LEPR: variants seen among roughly 807,000 people sequenced by gnomAD.
LEPR encodes leptin receptor.
LEPR carries 56 observed loss-of-function variants against 114.7 expected under a neutral mutation model. The ratio of observed to expected loss-of-function variants is 0.49; its 90% CI spans 0.39 to 0.61. The LOEUF (loss-of-function observed/expected upper bound fraction) is 0.61, where lower values mean the gene tolerates loss of function less well. Ranked by LOEUF, LEPR falls within the 20% of genes least tolerant of loss-of-function variation. The pLI is 0.00. For synonymous variants in LEPR, 443 were observed against 461.4 expected (o/e 0.96, Z 0.51); for missense variants, 1,202 against 1,352.9 (o/e 0.89, Z 1.75).
intron 2 of LEPR, among the ~76,000 whole-genome samples, chr1:65,450,241 AT>A (rs141012084): frequency 9.3e-5 from 14 of 150,208 alleles, no homozygotes; most frequent in East Asian, 3.9e-4. Flanking sequence ...TAGTCCATAG[AT>A]TTTTTTTTTG....
At chr1:65,437,758 G>T (rs923799189) in intron 2 of LEPR, among the ~76,000 whole-genome samples, 5 of 152,062 alleles carry the variant, frequency 3.3e-5, no homozygotes, top group African/African-American at 1.2e-4. Context: ...GTAGTATTTG[G>T]GTCATTGTGG....
At chr1:65,573,943 A>C (rs1449054932) in intron 5 of LEPR, among the ~76,000 whole-genome samples, 1 of 152,228 alleles carries the variant, frequency 6.6e-6, no homozygotes, top group African/African-American at 2.4e-5. Context: ...AAAATTTAAA[A>C]AGAAACTTAA....
intron 2 of LEPR, among the ~76,000 whole-genome samples, chr1:65,553,850 C>G (rs1652611581): frequency 6.6e-6 from 1 of 152,126 alleles, no homozygotes; most frequent in Non-Finnish European, 1.5e-5. Flanking sequence ...ATTTATCTAA[C>G]TTTGGTCTTT....
chr1:65,512,010 A>G (rs1030565292), intron 2 of LEPR, among the ~76,000 whole-genome samples: 9 of 152,210 alleles, frequency 5.9e-5, no homozygotes, highest in Non-Finnish European at 1.3e-4. Flanking sequence ...GGGACGCCTC[A>G]GGAAGCTTCC....
intron 2 of LEPR, among the ~76,000 whole-genome samples, chr1:65,459,497 C>T (rs1332462985): frequency 1.3e-5 from 2 of 152,142 alleles, no homozygotes; most frequent in African/African-American, 4.8e-5. Context: ...CAGCTATGTG[C>T]AGCAAGAACA....
intron 2 of LEPR, chr1:65,436,117 A>G (rs1646559808): frequency 1.0e-6 from 1 of 968,178 alleles, no homozygotes; most frequent in South Asian, 4.8e-5. Context: ...TTTTGTCTGT[A>G]TAATCTTAAT....
At chr1:65,596,757 A>T (rs1354147168) in intron 7 of LEPR, among the ~76,000 whole-genome samples, 164 bp downstream of exon 7, 1 of 152,142 alleles carries the variant, frequency 6.6e-6, no homozygotes, top group Non-Finnish European at 1.5e-5. Context: ...AGATAGATAT[A>T]CGTATGTATA....
Position 65,606,199 on chromosome 1 carries a change from T to G in LEPR, c.1603+962T>G, listed in dbSNP as rs946583503. Among the ~76,000 whole-genome samples, 3 of 152,298 alleles carry G rather than the reference T, an allele frequency of 2.0e-5. No individual in the cohort carries two copies. The South Asian group carries it at 6.2e-4, about 32-fold the overall frequency. On this transcript the variant is annotated intron_variant, in intron 11 of 19. Transcript: ENST00000349533. ...TTTCTTTTTCAATGTAAAGTCCCAA[T>G]GAATTCTCTCCCCACTGTTTAATTC...
chr1:65,571,641 A>G (rs1473143231), intron 4 of LEPR, among the ~76,000 whole-genome samples: 1 of 141,104 alleles, frequency 7.1e-6, no homozygotes, highest in Admixed American at 7.1e-5. Flanking sequence ...TTGGCACATT[A>G]CCTGTCTAAT....
intron 19 of LEPR, among the ~76,000 whole-genome samples, chr1:65,627,418 C>T (rs1175406172): frequency 2.6e-5 from 4 of 152,052 alleles, no homozygotes; most frequent in African/African-American, 7.2e-5. Context: ...CAAATAAAAA[C>T]CACAAGATGC....
intron 2 of LEPR, among the ~76,000 whole-genome samples, chr1:65,524,359 C>T (rs1158810607): frequency 6.6e-6 from 1 of 152,138 alleles, no homozygotes; most frequent in Non-Finnish European, 1.5e-5. Flanking sequence ...TTTTCGCCTA[C>T]CACAGATAGT....
intron 5 of LEPR, among the ~76,000 whole-genome samples, chr1:65,574,879 A>G (rs1032762706): frequency 6.6e-6 from 1 of 152,170 alleles, no homozygotes; most frequent in African/African-American, 2.4e-5. Flanking sequence ...TGTGAAAGTA[A>G]TGGGTCTTTA....
chr1:65,439,121 C>A (rs867393106), intron 2 of LEPR, among the ~76,000 whole-genome samples: 1 of 152,150 alleles, frequency 6.6e-6, no homozygotes, highest in Non-Finnish European at 1.5e-5. Flanking sequence ...GACATGAGTT[C>A]CCATTGCTTG....
chr1:65,485,709 A>C (rs1216379706), intron 2 of LEPR, among the ~76,000 whole-genome samples: 2 of 152,194 alleles, frequency 1.3e-5, no homozygotes, highest in Non-Finnish European at 2.9e-5. Flanking sequence ...TAGTCACAAT[A>C]GATCCTATAG....
intron 2 of LEPR, among the ~76,000 whole-genome samples, chr1:65,545,767 C>T (rs977246182): frequency 6.6e-6 from 1 of 152,040 alleles, no homozygotes; most frequent in African/African-American, 2.4e-5. Context: ...TGCCTGTTCA[C>T]TCTGATGGTA....
At chr1:65,455,031 C>T (rs372018991) in intron 2 of LEPR, among the ~76,000 whole-genome samples, 66 of 152,194 alleles carry the variant, frequency 4.3e-4, no homozygotes, top group Middle Eastern at 6.8e-3. Flanking sequence ...ATTTCATTCA[C>T]TTCATCTTCC....
At chr1:65,573,226 A>G (rs1419295868) in intron 5 of LEPR, among the ~76,000 whole-genome samples, 1 of 152,116 alleles carries the variant, frequency 6.6e-6, no homozygotes, top group Non-Finnish European at 1.5e-5. Context: ...CCTGCGCACT[A>G]CTCGCTGAGT....
intron 2 of LEPR, among the ~76,000 whole-genome samples, chr1:65,475,602 GT>G (rs148617186): frequency 0.025 from 3,764 of 152,170 alleles, 174 homozygotes; most frequent in African/African-American, 0.086. Context: ...AATAAAATAT[GT>G]TAGTCAAAGG....
chr1:65,523,094 T>C, intron 2 of LEPR, among the ~76,000 whole-genome samples: 1 of 152,170 alleles, frequency 6.6e-6, no homozygotes, highest in East Asian at 1.9e-4. Context: ...AAGGACCTTC[T>C]CACTCGGAGC....
Sources: allele counts gnomAD v4.1 joint callset (sites outside exome capture counted in the v4.1 genomes callset), GRCh38; gene constraint gnomAD v4.1.1; transcripts MANE v1.5; gene names NCBI Gene and HGNC (gene_info 2026-07-23, HGNC 2026-07-21).